NRXN3: variants seen among roughly 807,000 people sequenced by gnomAD.
NRXN3 encodes the protein neurexin 3, also known as neurexin III.
A neutral mutation model predicts 137.6 loss-of-function variants in NRXN3; 32 were observed. That is an observed-to-expected ratio of 0.23 (90% CI 0.18 to 0.31). NRXN3 has a LOEUF of 0.31. Ranked by LOEUF, NRXN3 falls within the 10% of genes least tolerant of loss-of-function variation. The probability of loss-of-function intolerance (pLI) is 1.00; values close to 1 mark genes in which losing one functional copy is unlikely to be tolerated. For synonymous variants in NRXN3, 798 were observed against 784.5 expected (o/e 1.02, Z -0.29); for missense variants, 1,574 against 2,062.5 (o/e 0.76, Z 4.59).
At chr14:78,237,799 A>T (rs1218662495) in intron 1 of NRXN3, among the ~76,000 whole-genome samples, 1 of 152,174 alleles carries the variant, frequency 6.6e-6, no homozygotes, top group Non-Finnish European at 1.5e-5. Context: ...GGGAGCAGTG[A>T]ACATGGGGCA....
intron 15 of NRXN3, among the ~76,000 whole-genome samples, chr14:79,315,738 C>G (rs2088469197): frequency 6.6e-6 from 1 of 152,176 alleles, no homozygotes; most frequent in African/African-American, 2.4e-5. Context: ...TATAAGAAAG[C>G]AAGCCTGAGT....
chr14:79,298,520 ATTT>A (rs1221291681), intron 15 of NRXN3, among the ~76,000 whole-genome samples: 2 of 151,978 alleles, frequency 1.3e-5, no homozygotes, highest in Non-Finnish European at 2.9e-5. Flanking sequence ...AGGTCTTAAC[ATTT>A]TTTCTCACCA....
chr14:78,633,864 G>C (rs75405811), intron 4 of NRXN3, among the ~76,000 whole-genome samples: 2,352 of 152,252 alleles, frequency 0.015, 54 homozygotes, highest in African/African-American at 0.053. Context: ...TCTTGTTCAG[G>C]CATTGACTCC....
chr14:78,184,146 AT>A (rs1327591402), intron 1 of NRXN3, among the ~76,000 whole-genome samples: 1 of 152,240 alleles, frequency 6.6e-6, no homozygotes, highest in African/African-American at 2.4e-5. Context: ...CAATGGGAGA[AT>A]TTTGATATCT....
intron 4 of NRXN3, among the ~76,000 whole-genome samples, chr14:78,571,873 A>T (rs2096892877): frequency 6.6e-6 from 1 of 152,070 alleles, no homozygotes. Context: ...TAATCCCCTG[A>T]GTTTTTACCT....
At chr14:78,392,910 T>TAA (rs1473529932) in intron 4 of NRXN3, among the ~76,000 whole-genome samples, 1 of 152,152 alleles carries the variant, frequency 6.6e-6, no homozygotes, top group Non-Finnish European at 1.5e-5. Flanking sequence ...TCACATAGGA[T>TAA]AATAGATTTA....
chr14:78,983,381 A>G (rs2099494400), intron 14 of NRXN3, among the ~76,000 whole-genome samples: 1 of 152,250 alleles, frequency 6.6e-6, no homozygotes, highest in Non-Finnish European at 1.5e-5. Context: ...ATAGCTAAAA[A>G]TTAGAAGAAA....
chr14:78,957,073 G>A (rs2099398177), intron 10 of NRXN3, among the ~76,000 whole-genome samples, 169 bp from the exon 11 acceptor site: 1 of 152,142 alleles, frequency 6.6e-6, no homozygotes, highest in Non-Finnish European at 1.5e-5. Context: ...TGCATTTGGG[G>A]ACTCCTACAG....
intron 1 of NRXN3, among the ~76,000 whole-genome samples, chr14:78,230,195 T>C (rs1241923694): frequency 6.6e-6 from 1 of 151,972 alleles, no homozygotes; most frequent in African/African-American, 2.4e-5. Flanking sequence ...TGACTAATTT[T>C]TGTATTTTTA....
chr14:79,506,982 T>C (rs1398553525), intron 16 of NRXN3, among the ~76,000 whole-genome samples: 3 of 152,146 alleles, frequency 2.0e-5, no homozygotes, highest in African/African-American at 7.2e-5. Context: ...GGTTAATTCT[T>C]CCAGGATATC....
rs2142000375 is a variant in NRXN3 at position 79,865,541 on chromosome 14, C to CTATG, written c.*3579_*3582dup. 6.6e-6 allele frequency: 1 copy of CTATG among 152,126 alleles called. No individual in the cohort carries two copies. The highest frequency in any genetic ancestry group is 2.1e-4 in the South Asian group (1 of 4,808). The allele number at this position is 152,126 out of a possible 1,614,324, so 9.4% of individuals were successfully genotyped here. On this transcript the variant is annotated 3_prime_UTR_variant, in exon 21 of 21. Transcript: ENST00000335750. ...ATTAGTGGAGTGGTTATACTATCGA[C>CTATG]TATGTTAGGAATGGGGGGGAGAAAG... is the stretch of plus-strand genomic sequence containing the variant.
At chr14:79,486,403 T>C (rs1374521531) in intron 16 of NRXN3, among the ~76,000 whole-genome samples, 1 of 152,230 alleles carries the variant, frequency 6.6e-6, no homozygotes, top group Non-Finnish European at 1.5e-5. Flanking sequence ...TAAGATTAGA[T>C]ACATATATAT....
chr14:79,484,589 C>T (rs1474661641), intron 16 of NRXN3, among the ~76,000 whole-genome samples: 1 of 152,134 alleles, frequency 6.6e-6, no homozygotes, highest in Non-Finnish European at 1.5e-5. Flanking sequence ...CCAATCTCCA[C>T]CACTCCCTGT....
At chr14:78,368,563 C>G (rs778381271) in intron 4 of NRXN3, among the ~76,000 whole-genome samples, 4 of 152,084 alleles carry the variant, frequency 2.6e-5, no homozygotes, top group Non-Finnish European at 5.9e-5. Context: ...GGCACTGTGG[C>G]GAGCACCAGT....
At chr14:78,279,368 A>G (rs143632065) in intron 3 of NRXN3, among the ~76,000 whole-genome samples, 12 of 152,358 alleles carry the variant, frequency 7.9e-5, no homozygotes, top group African/African-American at 2.4e-4. Flanking sequence ...ACATAGAATC[A>G]TGTGAACTGA....
intron 15 of NRXN3, among the ~76,000 whole-genome samples, chr14:79,012,611 C>CTAA (rs2099573064): frequency 6.6e-6 from 1 of 152,250 alleles, no homozygotes. Flanking sequence ...TTGCTCCCCA[C>CTAA]GTAACCCTCT....
At chr14:79,097,548 C>A (rs2050568236) in intron 15 of NRXN3, among the ~76,000 whole-genome samples, 2 of 152,054 alleles carry the variant, frequency 1.3e-5, no homozygotes, top group Admixed American at 6.6e-5. Context: ...AAGGAAGAGG[C>A]CAAACCATTA....
intron 15 of NRXN3, among the ~76,000 whole-genome samples, chr14:79,350,100 A>G (rs1188403675): frequency 6.6e-6 from 1 of 152,240 alleles, no homozygotes; most frequent in Non-Finnish European, 1.5e-5. Context: ...CTGGAATACT[A>G]TAATCTATAA....
At chr14:78,981,813 T>C (rs1293155630) in intron 14 of NRXN3, among the ~76,000 whole-genome samples, 1 of 152,194 alleles carries the variant, frequency 6.6e-6, no homozygotes, top group Admixed American at 6.5e-5. Context: ...CCCCAAGACA[T>C]GTTTTTCTAA....
Sources: allele counts gnomAD v4.1 joint callset (sites outside exome capture counted in the v4.1 genomes callset), GRCh38; gene constraint gnomAD v4.1.1; transcripts MANE v1.5; gene names NCBI Gene and HGNC (gene_info 2026-07-23, HGNC 2026-07-21).